The following RABEP1 variants were observed in gnomAD, a reference collection of about 807,000 sequenced individuals.
RABEP1 encodes the protein rab GTPase-binding effector protein 1.
Under a neutral mutation model 123.4 loss-of-function variants are expected in RABEP1, and 51 were observed. The ratio of observed to expected loss-of-function variants is 0.41; its 90% CI spans 0.33 to 0.52. RABEP1 has a LOEUF of 0.52. RABEP1 is among the 20% of genes least tolerant of loss of function. RABEP1 has a pLI of 0.16. For synonymous variants in RABEP1, 347 were observed against 355.2 expected (o/e 0.98, Z 0.26); for missense variants, 888 against 996.3 (o/e 0.89, Z 1.46).
chr17:5,325,995 C>CA (rs1187787830), intron 2 of RABEP1, among the ~76,000 whole-genome samples: 1 of 152,046 alleles, frequency 6.6e-6, no homozygotes, highest in Non-Finnish European at 1.5e-5. Context: ...CTGCCGATAC[C>CA]AAAAAATGCT....
intron 13 of RABEP1, among the ~76,000 whole-genome samples, chr17:5,375,596 T>A (rs540937868): frequency 1.3e-5 from 2 of 152,114 alleles, no homozygotes; most frequent in East Asian, 3.9e-4. Flanking sequence ...CTACAACTAC[T>A]TGGGAGGCTG....
chr17:5,323,120 A>G (rs1374815166), intron 2 of RABEP1, among the ~76,000 whole-genome samples: 1 of 152,210 alleles, frequency 6.6e-6, no homozygotes, highest in African/African-American at 2.4e-5. Flanking sequence ...TGGTTATATC[A>G]ATAGATGCTG....
chr17:5,350,698 C>G (rs1465904377), intron 7 of RABEP1, 69 bp downstream of exon 7: 6 of 1,522,996 alleles, frequency 3.9e-6, no homozygotes. Context: ...ATTGCATTAC[C>G]TTATGTGTAT....
chr17:5,355,781 T>C (rs1908964289), intron 8 of RABEP1, among the ~76,000 whole-genome samples: 1 of 152,226 alleles, frequency 6.6e-6, no homozygotes, highest in Non-Finnish European at 1.5e-5. Flanking sequence ...AAAAAAATTT[T>C]AGTAGACACT....
intron 2 of RABEP1, among the ~76,000 whole-genome samples, chr17:5,319,807 C>CT (rs2075335753): frequency 6.6e-6 from 1 of 152,024 alleles, no homozygotes; most frequent in African/African-American, 2.4e-5. Context: ...AAGCAGTGAC[C>CT]TTGAAGACAG....
chr17:5,314,667 C>G (rs566456963), intron 2 of RABEP1, among the ~76,000 whole-genome samples: 1 of 151,736 alleles, frequency 6.6e-6, no homozygotes, highest in African/African-American at 2.4e-5. Flanking sequence ...TACAGGCGCC[C>G]GCCACCACGC....
At position 5,378,204 on chromosome 17, in the gene RABEP1, TAGAA is replaced by T. The variant is rs1911159715; in HGVS notation, c.2248_2251del (p.Arg750Ter). The T allele has an allele frequency of 6.3e-7, 1 of 1,592,756 alleles. No individual in the cohort carries two copies. Among genetic ancestry groups the T allele is most frequent in the Non-Finnish European group, 8.6e-7 (1 of 1,160,704 alleles). ...TCTATTTCTAGCCTAAAAGCTGAATTAGAAAGAATAAAAGTGGAAAAAGGACAGG... is the reference window on the plus strand; with the variant it reads ...TCTATTTCTAGCCTAAAAGCTGAATTAGAATAAAAGTGGAAAAAGGACAGG... On this transcript the variant is annotated frameshift_variant, in exon 15 of 18. Transcript: ENST00000537505. LOFTEE classifies it high-confidence loss of function.
Position 5,383,438 on chromosome 17 carries a change from A to G in RABEP1, c.*215A>G, listed in dbSNP as rs148765935. ...CCAGAGACCTTCAAATGCGAACACTATAAACTCCAGGCTTGATTCCAACAG... is the reference window on the plus strand; with the variant it reads ...CCAGAGACCTTCAAATGCGAACACTGTAAACTCCAGGCTTGATTCCAACAG... On this transcript the variant is annotated 3_prime_UTR_variant, in exon 18 of 18. Transcript: ENST00000537505. 2.0e-3 allele frequency: 1,061 copies of G among 523,074 alleles called. 5 individuals carry two copies. The highest frequency in any genetic ancestry group is 0.013 in the East Asian group (404 of 31,820). The allele number at this position is 523,074 out of a possible 1,614,324, so 32.4% of individuals were successfully genotyped here.
Position 5,385,841 on chromosome 17 carries a change from G to A in RABEP1, c.*2618G>A. ...TGTGGTCTTCTCCTTTGAATCCTAG[G>A]GTTCTATCCCTCTTCAGAGTCATGT... On this transcript the variant is annotated 3_prime_UTR_variant, in exon 18 of 18. Transcript: ENST00000537505. 1 of 258,828 alleles carries A rather than the reference G, an allele frequency of 3.9e-6. No homozygotes were observed. The highest frequency in any genetic ancestry group is 7.3e-6 in the Non-Finnish European group (1 of 136,324). 16.0% of individuals were successfully genotyped at this position (258,828 alleles called of 1,614,324 possible).
At chr17:5,297,342 C>G (rs1372443613) in intron 1 of RABEP1, among the ~76,000 whole-genome samples, 2 of 152,160 alleles carry the variant, frequency 1.3e-5, no homozygotes, top group African/African-American at 4.8e-5. Flanking sequence ...GTAATTAATA[C>G]AGATTGCTTA....
chr17:5,332,924 T>A (rs1392182503), intron 3 of RABEP1, among the ~76,000 whole-genome samples: 2 of 152,018 alleles, frequency 1.3e-5, no homozygotes, highest in African/African-American at 2.4e-5. Context: ...TTAGATTTTT[T>A]AAGAAACTTT....
chr17:5,287,236 C>T (rs2074987354), intron 1 of RABEP1, among the ~76,000 whole-genome samples: 1 of 152,146 alleles, frequency 6.6e-6, no homozygotes, highest in African/African-American at 2.4e-5. Flanking sequence ...GATGTGATCT[C>T]ACTTATGTTT....
chr17:5,339,470 C>T (rs1907385876), intron 5 of RABEP1, among the ~76,000 whole-genome samples: 1 of 152,172 alleles, frequency 6.6e-6, no homozygotes, highest in Non-Finnish European at 1.5e-5. Context: ...GATCATGCCA[C>T]TGCACTCCAG....
intron 1 of RABEP1, among the ~76,000 whole-genome samples, chr17:5,292,571 A>G (rs1433433512): frequency 6.6e-6 from 1 of 151,916 alleles, no homozygotes; most frequent in African/African-American, 2.4e-5. Context: ...TTTAGTAGAG[A>G]TAGGGTTTCA....
intron 1 of RABEP1, among the ~76,000 whole-genome samples, chr17:5,303,237 T>C (rs2075151276): frequency 6.6e-6 from 1 of 152,064 alleles, no homozygotes; most frequent in Non-Finnish European, 1.5e-5. Context: ...AATAGTTTTA[T>C]TTTATTTTAT....
At chr17:5,367,516 G>C (rs538026671) in intron 11 of RABEP1, among the ~76,000 whole-genome samples, 2 of 151,462 alleles carry the variant, frequency 1.3e-5, no homozygotes, top group Non-Finnish European at 2.9e-5. Context: ...TGATCCATCC[G>C]CCTCGGCCTC....
chr17:5,308,387 G>GCCCA (rs2075201733), intron 1 of RABEP1, among the ~76,000 whole-genome samples: 2 of 152,126 alleles, frequency 1.3e-5, no homozygotes, highest in South Asian at 4.2e-4. Context: ...CACTACACCT[G>GCCCA]GCTAATTTTT....
chr17:5,306,013 G>A (rs2075176252), intron 1 of RABEP1, among the ~76,000 whole-genome samples: 2 of 152,152 alleles, frequency 1.3e-5, no homozygotes, highest in Admixed American at 6.5e-5. Context: ...TAAATCTATA[G>A]TGAGGCTAGT....
intron 10 of RABEP1, 59 bp from the exon 11 acceptor site, chr17:5,365,060 TTAA>T: frequency 9.9e-7 from 1 of 1,008,824 alleles, no homozygotes; most frequent in African/African-American, 2.8e-5. Flanking sequence ...GGAGTTAGAT[TTAA>T]AAAAAAAAAA....
Sources: gnomAD v4.1 joint callset for allele counts (sites outside exome capture counted in the v4.1 genomes callset) on GRCh38, gnomAD v4.1.1 for gene constraint, MANE v1.5 for transcripts, NCBI Gene and HGNC (gene_info 2026-07-23, HGNC 2026-07-21) for gene names.